PLCZ1: variants seen among roughly 807,000 people sequenced by gnomAD.
PLCZ1 encodes phospholipase C zeta 1.
PLCZ1 carries 64 observed loss-of-function variants against 76.8 expected under a neutral mutation model. The observed-to-expected ratio is 0.83, with a 90% CI of 0.68 to 1.03. The LOEUF (loss-of-function observed/expected upper bound fraction) is 1.03. Ranked by LOEUF, PLCZ1 falls within the 50% of genes least tolerant of loss-of-function variation. The pLI is 0.00. For missense variants in PLCZ1, 751 were observed against 713.7 expected (o/e 1.05, Z -0.60); for synonymous variants, 248 against 230.8 (o/e 1.07, Z -0.68).
At chr12:18,693,656 AG>A in intron 12 of PLCZ1, 2 of 1,565,244 alleles carry the variant, frequency 1.3e-6, no homozygotes, top group Non-Finnish European at 1.8e-6. Flanking sequence ...TGGGACAAAA[AG>A]ATATGACTCC....
At chr12:18,660,256 T>G in the PLCZ1 span, among the ~76,000 whole-genome samples, 1 of 152,252 alleles carries the variant, frequency 6.6e-6, no homozygotes, top group South Asian at 2.1e-4. Context: ...TGCACACAGC[T>G]TGCCGAAACC....
the PLCZ1 span, among the ~76,000 whole-genome samples, chr12:18,669,982 A>T: frequency 6.6e-6 from 1 of 152,046 alleles, no homozygotes; most frequent in Non-Finnish European, 1.5e-5. Flanking sequence ...TCCTCTTCTT[A>T]TAAGGGCATT....
chr12:18,707,105 G>T lies in PLCZ1; in HGVS notation c.715-1790C>A, dbSNP rs182327546. ...CCTTCTTATAAAAGTCCTTATGATGGTGTTCAGCGCCTACTCAGATAATCC... is the reference window on the plus strand; with the variant it reads ...CCTTCTTATAAAAGTCCTTATGATGTTGTTCAGCGCCTACTCAGATAATCC... On this transcript the variant is annotated intron_variant, in intron 6 of 14. Coordinates refer to ENST00000266505, the MANE Select transcript of PLCZ1 (RefSeq NM_033123.4). Among the ~76,000 whole-genome samples, 9 of 152,240 alleles carry T rather than the reference G, an allele frequency of 5.9e-5. No homozygotes were observed. The South Asian group carries it at 1.7e-3, about 28-fold the overall frequency.
At chr12:18,684,109 T>C in intron 14 of PLCZ1, 21 bp downstream of exon 14, 1 of 1,609,710 alleles carries the variant, frequency 6.2e-7, no homozygotes, top group Non-Finnish European at 8.5e-7. Flanking sequence ...GGTACAATCA[T>C]CTAACTTTTA....
chr12:18,700,002 A>G (rs141575973), intron 9 of PLCZ1, 52 bp from the exon 10 acceptor site: 6 of 1,530,134 alleles, frequency 3.9e-6, no homozygotes, highest in African/African-American at 1.4e-5. Context: ...ATTGGGAAAA[A>G]AAATTTTTTC....
intron 4 of PLCZ1, among the ~76,000 whole-genome samples, chr12:18,719,945 C>G (rs568428831): frequency 1.2e-3 from 185 of 152,174 alleles, no homozygotes; most frequent in Admixed American, 2.5e-3. Context: ...ATCTGGATGA[C>G]TGGCACACAG....
At position 18,688,151 on chromosome 12, in the gene PLCZ1, A is replaced by G. The variant is rs746077652; in HGVS notation, c.1529T>C (p.Ile510Thr). The change falls in exon 13 of 15, where the codon ATA becomes ACA. Residue 510 changes from isoleucine to threonine, a missense_variant. Transcript: ENST00000266505. ...SSNKGDSLVI[I>T]EVFGVPNDQM... is the part of the protein sequence containing the mutation. ...ATCATTTGGAACACCAAAAACTTCT[A>G]TAATTACTAATGAATCACCTTTGTT... 8.7e-6 allele frequency: 14 copies of G among 1,611,712 alleles called. No homozygotes were observed. The highest frequency in any genetic ancestry group is 2.2e-5 in the East Asian group (1 of 44,694).
At chr12:18,650,734 A>ATATATC in the PLCZ1 span, among the ~76,000 whole-genome samples, 1 of 28,120 alleles carries the variant, frequency 3.6e-5, no homozygotes, top group Non-Finnish European at 5.8e-5. Context: ...ATATATATAT[A>ATATATC]TATATATATA....
the PLCZ1 span, chr12:18,647,799 T>A: frequency 2.5e-6 from 2 of 794,914 alleles, no homozygotes; most frequent in South Asian, 3.5e-5. Flanking sequence ...TAATTTTTTT[T>A]ATTAAAAGCA....
intron 5 of PLCZ1, 27 bp from the exon 6 acceptor site, chr12:18,713,013 G>A: frequency 6.2e-7 from 1 of 1,613,082 alleles, no homozygotes. Flanking sequence ...AAAATAAAAT[G>A]TTACTCCTGG....
chr12:18,731,772 GC>G (rs1165666705), intron 3 of PLCZ1, among the ~76,000 whole-genome samples: 1 of 151,848 alleles, frequency 6.6e-6, no homozygotes, highest in Non-Finnish European at 1.5e-5. Flanking sequence ...TAGCTTTCTT[GC>G]CTCATTCTCC....
rs34467984 is a variant in PLCZ1, at chr12:18,735,081, C to G, written c.135+1140G>C. Among the ~76,000 whole-genome samples the G allele has an allele frequency of 2.9e-3, 443 of 152,210 alleles. 1 individual carries two copies. Among genetic ancestry groups the G allele is most frequent in the Non-Finnish European group, 4.7e-3 (322 of 68,010 alleles). ...GATTGATTTCTGTATGTTGAGCCAT[C>G]CTTGCATGCCAGGGACACATATTAT... On this transcript the variant is annotated intron_variant, in intron 3 of 14. Coordinates refer to ENST00000266505, the MANE Select transcript of PLCZ1 (RefSeq NM_033123.4).
At chr12:18,693,664 C>G in intron 12 of PLCZ1, 8 of 1,565,986 alleles carry the variant, frequency 5.1e-6, no homozygotes, top group Non-Finnish European at 7.0e-6. Context: ...AAAGATATGA[C>G]TCCAATTCTG....
chr12:18,733,778 G>C (rs998369333), intron 3 of PLCZ1, among the ~76,000 whole-genome samples: 1 of 152,046 alleles, frequency 6.6e-6, no homozygotes, highest in African/African-American at 2.4e-5. Flanking sequence ...GACTATATAT[G>C]AAGGGGTTTA....
intron 13 of PLCZ1, among the ~76,000 whole-genome samples, chr12:18,687,640 T>C (rs1451573750): frequency 6.6e-6 from 1 of 152,156 alleles, no homozygotes; most frequent in African/African-American, 2.4e-5. Flanking sequence ...AGTAGGCTTC[T>C]ATGGCATCCT....
rs190114698 is a variant in PLCZ1, at chr12:18,714,602, T to G, written c.570-1616A>C. On this transcript the variant is annotated intron_variant, in intron 5 of 14. Transcript: ENST00000266505. ...TAGGAAAGAGGTTAAAAAAGCTCCCTTGTCATACATAGAGATATTTTTCCA... is the reference window on the plus strand; with the variant it reads ...TAGGAAAGAGGTTAAAAAAGCTCCCGTGTCATACATAGAGATATTTTTCCA... The G allele has an allele frequency of 6.6e-5, 10 of 152,286 alleles. No homozygotes were observed. The East Asian group carries it at 1.9e-3, about 29-fold the overall frequency. The allele number at this position is 152,286 out of a possible 1,614,324, so 9.4% of individuals were successfully genotyped here.
intron 3 of PLCZ1, among the ~76,000 whole-genome samples, chr12:18,732,099 C>T (rs1959080501): frequency 1.3e-5 from 2 of 152,048 alleles, no homozygotes; most frequent in Admixed American, 1.3e-4. Context: ...ATGAATTTAT[C>T]AACACAATCT....
At chr12:18,701,803 T>C (rs1303087633) in intron 7 of PLCZ1, 27 bp from the exon 8 acceptor site, 1 of 1,574,316 alleles carries the variant, frequency 6.4e-7, no homozygotes, top group Non-Finnish European at 8.6e-7. Context: ...AGAGATACAA[T>C]TACACATTTA....
chr12:18,709,254 A>T (rs1957009091), intron 6 of PLCZ1, among the ~76,000 whole-genome samples: 1 of 151,918 alleles, frequency 6.6e-6, no homozygotes, highest in Non-Finnish European at 1.5e-5. Context: ...TTTTTTCAGT[A>T]CCATTTATTG....
Sources: gnomAD v4.1 joint callset for allele counts (sites outside exome capture counted in the v4.1 genomes callset) on GRCh38, gnomAD v4.1.1 for gene constraint, MANE v1.5 for transcripts, NCBI Gene and HGNC (gene_info 2026-07-23, HGNC 2026-07-21) for gene names.